GLIS3: variants seen among roughly 807,000 people sequenced by gnomAD.
The protein encoded by GLIS3 is zinc finger protein GLIS3.
In GLIS3, 53 loss-of-function variants were observed where a neutral mutation model predicts 78.6. That is an observed-to-expected ratio of 0.67 (90% CI 0.54 to 0.85). GLIS3 has a LOEUF of 0.85. Ranked by LOEUF, GLIS3 falls within the 40% of genes least tolerant of loss-of-function variation. GLIS3 has a pLI of 0.00. For missense variants in GLIS3, 1,703 were observed against 1,231.1 expected (o/e 1.38, Z -5.74); for synonymous variants, 684 against 509.9 (o/e 1.34, Z -4.60).
intron 2 of GLIS3, among the ~76,000 whole-genome samples, chr9:4,329,028 T>G (rs760849954): frequency 6.6e-6 from 1 of 152,178 alleles, no homozygotes; most frequent in Non-Finnish European, 1.5e-5. Context: ...GGATGATGAG[T>G]AAGAGTCTCT....
intron 4 of GLIS3, among the ~76,000 whole-genome samples, chr9:4,083,678 G>C (rs1305971153): frequency 6.6e-6 from 1 of 152,192 alleles, no homozygotes; most frequent in Non-Finnish European, 1.5e-5. Flanking sequence ...TTAAGAGTAA[G>C]TAATGAGGTC....
At chr9:4,430,234 A>C in the GLIS3 span, among the ~76,000 whole-genome samples, 1 of 152,338 alleles carries the variant, frequency 6.6e-6, no homozygotes, top group East Asian at 1.9e-4. Flanking sequence ...TTCTAGCTCC[A>C]ACTTATCATT....
the GLIS3 span, among the ~76,000 whole-genome samples, chr9:4,479,808 G>C: frequency 6.6e-6 from 1 of 151,646 alleles, no homozygotes; most frequent in African/African-American, 2.4e-5. Flanking sequence ...CTCCTTCCTG[G>C]ATGAAGCTTA....
chr9:4,045,502 A>AT lies in GLIS3; in HGVS notation c.1710+72265dup, dbSNP rs71497514. ...AGGCACACACCACCACACCTGGCTA[A>AT]TTTTTTTTTTTTTTTAAGGTAGAGA... On this transcript the variant is annotated intron_variant, in intron 4 of 10. Coordinates refer to ENST00000381971, the MANE Select transcript of GLIS3 (RefSeq NM_001042413.2). Among the ~76,000 whole-genome samples the AT allele has an allele frequency of 9.2e-3, 1,303 of 142,334 alleles. 8 individuals carry two copies. Among genetic ancestry groups the AT allele is most frequent in the African/African-American group, 0.019 (737 of 38,932 alleles). 93.4% of individuals were successfully genotyped at this position (142,334 alleles called of 152,430 possible).
chr9:3,956,028 CAAA>C (rs5896037), intron 4 of GLIS3, among the ~76,000 whole-genome samples: 134 of 87,592 alleles, frequency 1.5e-3, no homozygotes, highest in East Asian at 0.011. Flanking sequence ...CCAGATTCAG[CAAA>C]AAAAAAAAAA....
the GLIS3 span, among the ~76,000 whole-genome samples, chr9:4,390,903 A>T: frequency 2.6e-5 from 4 of 152,174 alleles, no homozygotes; most frequent in Non-Finnish European, 4.4e-5. Flanking sequence ...GTACCTTTTT[A>T]AAAAAGTTAA....
intron 4 of GLIS3, among the ~76,000 whole-genome samples, chr9:4,059,765 G>A (rs1260134486): frequency 2.0e-5 from 3 of 149,032 alleles, no homozygotes; most frequent in South Asian, 2.1e-4. Context: ...GCCTCAGCTT[G>A]TTCTCTCCTG....
chr9:4,048,270 G>C (rs1443142842), intron 4 of GLIS3, among the ~76,000 whole-genome samples: 1 of 152,172 alleles, frequency 6.6e-6, no homozygotes, highest in African/African-American at 2.4e-5. Flanking sequence ...TTTAAATTCA[G>C]AATGATATGT....
chr9:4,133,321 C>T (rs1003216291), intron 2 of GLIS3, among the ~76,000 whole-genome samples: 5 of 152,114 alleles, frequency 3.3e-5, no homozygotes, highest in African/African-American at 1.2e-4. Flanking sequence ...ACTTATGGAA[C>T]AATTGTTTTC....
chr9:3,838,896 C>T (rs1818538294), intron 9 of GLIS3, among the ~76,000 whole-genome samples: 1 of 151,960 alleles, frequency 6.6e-6, no homozygotes, highest in East Asian at 1.9e-4. Context: ...CACGACAGAC[C>T]CAATGAGAAA....
In GLIS3 at chr9:4,091,997, G is replaced by A. The variant is rs530036360; in HGVS notation, c.1710+25771C>T. ...AATGGAGTCTGTGGGACTGGAAGTT[G>A]TTCTGGGTGAGTGAGTGCTGAGAAA... On this transcript the variant is annotated intron_variant, in intron 4 of 10. Transcript: ENST00000381971. 4.4e-3 allele frequency among the ~76,000 whole-genome samples: 666 copies of A among 152,196 alleles called. 1 individual carries two copies. The highest frequency in any genetic ancestry group is 7.7e-3 in the Non-Finnish European group (522 of 68,016).
At chr9:3,986,285 A>T (rs1475639955) in intron 4 of GLIS3, among the ~76,000 whole-genome samples, 4 of 152,140 alleles carry the variant, frequency 2.6e-5, no homozygotes, top group Admixed American at 6.5e-5. Context: ...TCATGACCGA[A>T]AAATAAAGGC....
chr9:4,321,615 C>G (rs2130547733), intron 2 of GLIS3, among the ~76,000 whole-genome samples: 1 of 109,244 alleles, frequency 9.2e-6, no homozygotes, highest in Middle Eastern at 0.014. Flanking sequence ...GAGAGCATTA[C>G]CAATAACTTA....
chr9:3,993,327 G>A (rs1466059603), intron 4 of GLIS3, among the ~76,000 whole-genome samples: 1 of 152,126 alleles, frequency 6.6e-6, no homozygotes, highest in Non-Finnish European at 1.5e-5. Context: ...TCTGAAGCCT[G>A]AAATTCAGTG....
At chr9:4,450,365 C>T in the GLIS3 span, among the ~76,000 whole-genome samples, 2 of 152,102 alleles carry the variant, frequency 1.3e-5, no homozygotes, top group East Asian at 1.9e-4. Flanking sequence ...ACTAAATCTA[C>T]GTTTGATTGG....
At chr9:3,930,956 T>C (rs550011619) in intron 6 of GLIS3, among the ~76,000 whole-genome samples, 1 of 152,304 alleles carries the variant, frequency 6.6e-6, no homozygotes, top group East Asian at 1.9e-4. Context: ...GGTGTGTTAT[T>C]TTAAGAAGAC....
Position 4,188,815 on chromosome 9 carries a change from C to T in GLIS3, c.389-62874G>A, listed in dbSNP as rs201539535. 5.3e-5 allele frequency among the ~76,000 whole-genome samples: 8 copies of T among 152,146 alleles called. 1 individual carries two copies. In the South Asian group the frequency reaches 6.2e-4, roughly 12 times the overall value. ...GTTTGTAGTATTCTCTGATGGTAGT[C>T]TGTATTTCTGTGGGATCGGTGGTGA... is the stretch of plus-strand genomic sequence containing the variant. On this transcript the variant is annotated intron_variant, in intron 2 of 10. Coordinates refer to ENST00000381971, the MANE Select transcript of GLIS3 (RefSeq NM_001042413.2).
intron 4 of GLIS3, among the ~76,000 whole-genome samples, chr9:4,063,988 G>A (rs956903266): frequency 6.6e-6 from 1 of 152,054 alleles, no homozygotes; most frequent in Non-Finnish European, 1.5e-5. Context: ...TGTTCCAGAT[G>A]TCAAATATAT....
At chr9:4,182,919 G>A (rs1043755576) in intron 2 of GLIS3, among the ~76,000 whole-genome samples, 2 of 152,180 alleles carry the variant, frequency 1.3e-5, no homozygotes, top group African/African-American at 4.8e-5. Flanking sequence ...GAATTGAGAA[G>A]CAGAAATACA....
Sources: allele counts gnomAD v4.1 joint callset (sites outside exome capture counted in the v4.1 genomes callset), GRCh38; gene constraint gnomAD v4.1.1; transcripts MANE v1.5; gene names NCBI Gene and HGNC (gene_info 2026-07-23, HGNC 2026-07-21).